CFAP46: variants seen among roughly 807,000 people sequenced by gnomAD.
The protein encoded by CFAP46 is cilia- and flagella-associated protein 46.
Under a neutral mutation model 325.7 loss-of-function variants are expected in CFAP46, and 245 were observed. That is an observed-to-expected ratio of 0.75 (90% CI 0.68 to 0.84). CFAP46 has a LOEUF of 0.84. CFAP46 is among the 40% of genes least tolerant of loss of function. The probability of loss-of-function intolerance (pLI) is 0.00; values close to 1 mark genes in which losing one functional copy is unlikely to be tolerated. For missense variants in CFAP46, 3,346 were observed against 3,543.0 expected (o/e 0.94, Z 1.41); for synonymous variants, 1,523 against 1,495.9 (o/e 1.02, Z -0.42).
chr10:132,928,440 C>A (rs1361142288), intron 9 of CFAP46, among the ~76,000 whole-genome samples: 1 of 152,226 alleles, frequency 6.6e-6, no homozygotes, highest in Non-Finnish European at 1.5e-5. Context: ...ACCACGCTTC[C>A]CACCTGCACC....
intron 32 of CFAP46, among the ~76,000 whole-genome samples, chr10:132,871,236 C>T (rs1319478545): frequency 1.3e-5 from 2 of 152,222 alleles, no homozygotes; most frequent in African/African-American, 4.8e-5. Flanking sequence ...CTTTGGCCAC[C>T]CAAGAGTGCT....
chr10:132,829,959 T>C (rs1231798152), intron 50 of CFAP46, among the ~76,000 whole-genome samples: 2 of 152,090 alleles, frequency 1.3e-5, no homozygotes, highest in Non-Finnish European at 2.9e-5. Context: ...TTAGCATCTA[T>C]AGCCATGAGG....
Position 132,929,769 on chromosome 10 carries a change from A to G in CFAP46, c.902T>C (p.Leu301Ser). The G allele has an allele frequency of 1.2e-6, 2 of 1,611,430 alleles. No individual in the cohort carries two copies. The highest frequency in any genetic ancestry group is 1.7e-6 in the Non-Finnish European group (2 of 1,177,988). ...GGAGATCTCCATGCATTTCAAGGTCAAGGAAAAACGCGCCAATTCAAAAAG... is the reference window on the plus strand; with the variant it reads ...GGAGATCTCCATGCATTTCAAGGTCGAGGAAAAACGCGCCAATTCAAAAAG... ...LLLFELARFSLTLKCMEISSA... is the reference protein window; with the variant it reads ...LLLFELARFSSTLKCMEISSA... Residue 301 changes from leucine to serine, a missense_variant, in exon 9 of 58, where the codon TTG (leucine) becomes TCG (serine). Transcript: ENST00000368586.
At chr10:132,874,706 G>A in intron 31 of CFAP46, among the ~76,000 whole-genome samples, 1 of 107,328 alleles carries the variant, frequency 9.3e-6, no homozygotes, top group Non-Finnish European at 1.9e-5. Flanking sequence ...CATCTGCATA[G>A]ATGGAGAAAG....
rs1372211195 is a variant in CFAP46, at chr10:132,867,510, A to G, written c.4611-3T>C. 7 of 1,549,362 alleles carry G rather than the reference A, an allele frequency of 4.5e-6. No individual in the cohort carries two copies. Among genetic ancestry groups the G allele is most frequent in the Non-Finnish European group, 6.1e-6 (7 of 1,146,836 alleles). On this transcript the variant is annotated splice_polypyrimidine_tract_variant and splice_region_variant and intron_variant, in intron 33 of 57. Transcript: ENST00000368586. Reference sequence around the variant, plus strand: ...TCAACGCGATCTCTTTTCTGCAGCTAATGCGAGGAAAACAGACAATACGCA... The same window carrying G: ...TCAACGCGATCTCTTTTCTGCAGCTGATGCGAGGAAAACAGACAATACGCA...
At chr10:132,867,608 A>T in intron 33 of CFAP46, 101 bp from the exon 34 acceptor site, 3 of 1,398,516 alleles carry the variant, frequency 2.1e-6, no homozygotes, top group Non-Finnish European at 2.9e-6. Context: ...CCACAATTAC[A>T]TTCTTCACGC....
rs748296016 is a variant in CFAP46, at chr10:132,919,396, C to T, written c.1777G>A (p.Val593Met). The T allele has an allele frequency of 2.8e-5, 44 of 1,550,084 alleles. No homozygotes were observed. Among genetic ancestry groups the T allele is most frequent in the South Asian group, 2.6e-4 (22 of 84,044 alleles). Reference protein sequence around the residue: ...ELAKVARKQGVWDVCRTASRF... With the variant: ...ELAKVARKQGMWDVCRTASRF... ...CTCGCCGTCCGACAGACGTCCCACA[C>T]GCCTTGTTTCCGGGCCACTTTGGCC... The change falls in exon 15 of 58, where the codon GTG becomes ATG. Residue 593 changes from valine to methionine, a missense_variant. By Grantham distance (21) the Val-to-Met change is conservative. Coordinates refer to ENST00000368586, the MANE Select transcript of CFAP46 (RefSeq NM_001200049.3). This position sits in a 1 kb window ranked among gnomAD's most constrained non-coding sequence, Gnocchi z 9.7.
chr10:132,818,352 G>C (rs149486501), intron 50 of CFAP46, among the ~76,000 whole-genome samples: 335 of 152,238 alleles, frequency 2.2e-3, no homozygotes, highest in Middle Eastern at 3.4e-3. Flanking sequence ...CACAAAAAAA[G>C]ATGCATTTAG....
chr10:132,868,059 GA>G (rs140892758), intron 33 of CFAP46, among the ~76,000 whole-genome samples: 2 of 152,268 alleles, frequency 1.3e-5, no homozygotes, highest in African/African-American at 4.8e-5. Flanking sequence ...GGTCACAGCA[GA>G]GGTCAAGACC....
chr10:132,892,352 G>A lies in CFAP46; in HGVS notation c.3285C>T (p.Thr1095=), dbSNP rs754430006. 1.9e-5 allele frequency: 30 copies of A among 1,550,692 alleles called. No homozygotes were observed. The highest frequency in any genetic ancestry group is 1.1e-4 in the African/African-American group (8 of 73,030). ...PTADFQGGGT[T]EGYFLPGAED... is the part of the protein sequence containing the mutation. ...ACAAACCTGGAAGAAAATATCCTTC[G>A]GTCGTCCCGCCACCCTGGAAGTCGG... The change falls in exon 25 of 58, where the codon ACC becomes ACT. Residue 1095 remains threonine, a synonymous_variant. Transcript: ENST00000368586.
chr10:132,834,087 C>G lies in CFAP46; in HGVS notation c.6903G>C (p.Lys2301Asn). The G allele has an allele frequency of 6.2e-7, 1 of 1,614,166 alleles. No individual in the cohort carries two copies. Among genetic ancestry groups the G allele is most frequent in the South Asian group, 1.1e-5 (1 of 91,084 alleles). ...TCCTCTCCTTGTCTTTGCCCTTCGA[C>G]TTCCCTGAATCGGCAACAACCGCAG... The part of the protein sequence containing the change: ...QTPAVVADSG[K>N]SKGKDKERKT... Residue 2301 changes from lysine (K) to asparagine (N), a missense_variant, in exon 49 of 58, where the codon AAG (lysine) becomes AAC (asparagine). By Grantham distance (94) the Lys-to-Asn change is moderately conservative. Coordinates refer to ENST00000368586, the MANE Select transcript of CFAP46 (RefSeq NM_001200049.3).
intron 23 of CFAP46, 43 bp from the exon 24 acceptor site, chr10:132,899,164 C>T: frequency 6.6e-7 from 1 of 1,524,868 alleles, no homozygotes; most frequent in Non-Finnish European, 8.8e-7. Flanking sequence ...CACCTGGGCC[C>T]ACCTGGAGCT....
At chr10:132,838,921 T>C (rs888750773) in intron 44 of CFAP46, among the ~76,000 whole-genome samples, 4 of 152,268 alleles carry the variant, frequency 2.6e-5, no homozygotes, top group Non-Finnish European at 5.9e-5. Flanking sequence ...CCATTCTGGT[T>C]GGTGTCTGGT....
Position 132,941,811 on chromosome 10 carries a change from C to T in CFAP46, c.175-89G>A. 5 of 1,578,544 alleles carry T rather than the reference C, an allele frequency of 3.2e-6. No homozygotes were observed. The South Asian group carries it at 5.8e-5, about 18-fold the overall frequency. The stretch of plus-strand genomic sequence containing the variant: ...ACCACGGGCCCGCTTTCAGAACAGG[C>T]CCCCAGCACAGGTGGAGCCTGTTTC... On this transcript the variant is annotated intron_variant, in intron 2 of 57. Transcript: ENST00000368586.
rs946606831 is a variant in CFAP46, at chr10:132,942,458, C to T, written c.27G>A (p.Leu9=). The change falls in exon 1 of 58, where the codon CTG becomes CTA. Residue 9 remains leucine, a synonymous_variant. Coordinates refer to ENST00000368586, the MANE Select transcript of CFAP46 (RefSeq NM_001200049.3). ...CACCTTGCTGGCTCTCGGCGCGGGC[C>T]AGCTCCTGCGTGATGACCAGGTCCA... MDLVITQE[L]ARAESQQDAA... is the part of the protein sequence containing the mutation. The T allele has an allele frequency of 3.2e-6, 4 of 1,238,396 alleles. No individual in the cohort carries two copies. Among genetic ancestry groups the T allele is most frequent in the Admixed American group, 1.2e-4 (2 of 16,780 alleles). The allele number at this position is 1,238,396 out of a possible 1,614,324, so 76.7% of individuals were successfully genotyped here.
chr10:132,838,269 C>T (rs559024842), intron 44 of CFAP46, among the ~76,000 whole-genome samples: 2 of 152,400 alleles, frequency 1.3e-5, no homozygotes, highest in South Asian at 4.1e-4. Flanking sequence ...ATGGGCAGCC[C>T]TCCATCGAGC....
In CFAP46 at chr10:132,857,752, T is replaced by A. The variant is rs1205762600; in HGVS notation, c.5412A>T (p.Lys1804Asn). The A allele has an allele frequency of 6.3e-7, 1 of 1,583,988 alleles. No individual in the cohort carries two copies. Among genetic ancestry groups the A allele is most frequent in the Non-Finnish European group, 8.6e-7 (1 of 1,166,418 alleles). ...CATACGCTTCCAAGTAATACGCAGTTTTTTGTTCTTCATCTTTCTCGTTCT... is the reference window on the plus strand; with the variant it reads ...CATACGCTTCCAAGTAATACGCAGTATTTTGTTCTTCATCTTTCTCGTTCT... ...RAQNEKDEEQ[K>N]TAYYLEAYGL... Residue 1804 changes from lysine (K) to asparagine (N), a missense_variant, in exon 39 of 58, where the codon AAA becomes AAT. Coordinates refer to ENST00000368586, the MANE Select transcript of CFAP46 (RefSeq NM_001200049.3).
At chr10:132,941,775 T>C in intron 2 of CFAP46, 53 bp from the exon 3 acceptor site, 1 of 1,609,142 alleles carries the variant, frequency 6.2e-7, no homozygotes, top group Non-Finnish European at 8.5e-7. Context: ...GTGGCCTCCC[T>C]GCCCAGAAGC....
At chr10:132,914,062 C>G (rs1398607411) in intron 17 of CFAP46, among the ~76,000 whole-genome samples, 1 of 147,630 alleles carries the variant, frequency 6.8e-6, no homozygotes, top group African/African-American at 2.5e-5. Context: ...TGCACCCCGG[C>G]CCGAGGCTGT....
Sources: gnomAD v4.1 joint callset for allele counts (sites outside exome capture counted in the v4.1 genomes callset) on GRCh38, gnomAD v4.1.1 for gene constraint, Gnocchi (gnomAD v3.1) non-coding constraint, MANE v1.5 for transcripts, NCBI Gene and HGNC (gene_info 2026-07-23, HGNC 2026-07-21) for gene names.